CHTF8: variants seen among roughly 807,000 people sequenced by gnomAD.
CHTF8 encodes the protein chromosome transmission fidelity protein 8 homolog.
A neutral mutation model predicts 11.0 loss-of-function variants in CHTF8; 6 were observed. That is an observed-to-expected ratio of 0.55 (90% CI 0.30 to 1.08). The LOEUF is 1.08. CHTF8 is among the 50% of genes least tolerant of loss of function. The pLI is 0.07. For synonymous variants in CHTF8, 53 were observed against 60.5 expected (o/e 0.88, Z 0.57); for missense variants, 140 against 153.1 (o/e 0.91, Z 0.45).
chr16:69,123,267 T>C (rs1454396350), intron 1 of CHTF8, among the ~76,000 whole-genome samples: 2 of 152,182 alleles, frequency 1.3e-5, no homozygotes, highest in Non-Finnish European at 2.9e-5. Flanking sequence ...AAAAAGCCTA[T>C]GGAGTTTCTT....
chr16:69,122,230 A>C (rs374329386), intron 1 of CHTF8, among the ~76,000 whole-genome samples: 4 of 152,210 alleles, frequency 2.6e-5, no homozygotes, highest in Non-Finnish European at 5.9e-5. Flanking sequence ...GCTTAAAATC[A>C]CCAATGGTCA....
intron 2 of CHTF8, 67 bp from the exon 3 acceptor site, chr16:69,121,237 ACC>A: frequency 6.9e-7 from 1 of 1,451,862 alleles, no homozygotes; most frequent in Non-Finnish European, 9.5e-7. Context: ...TCCTCACACC[ACC>A]ATTTGAGGCC....
chr16:69,130,338 G>C (rs1290696302), intron 1 of CHTF8, among the ~76,000 whole-genome samples: 1 of 151,806 alleles, frequency 6.6e-6, no homozygotes, highest in African/African-American at 2.4e-5. Context: ...AGGAAACCAA[G>C]CCTTTAAATT....
intron 1 of CHTF8, among the ~76,000 whole-genome samples, chr16:69,125,540 G>C (rs1310671413): frequency 6.6e-6 from 1 of 152,172 alleles, no homozygotes; most frequent in East Asian, 1.9e-4. Context: ...CATCAGGCAG[G>C]CATGGAGTAT....
At chr16:69,121,549 C>G (rs1283492977) in intron 1 of CHTF8, 56 bp from the exon 2 acceptor site, 2 of 1,038,924 alleles carry the variant, frequency 1.9e-6, no homozygotes, top group African/African-American at 3.2e-5. Flanking sequence ...AATAATGACA[C>G]CTAATGCAAC....
At chr16:69,129,709 T>C (rs1173601281) in intron 1 of CHTF8, among the ~76,000 whole-genome samples, 5 of 152,156 alleles carry the variant, frequency 3.3e-5, no homozygotes, top group Admixed American at 3.3e-4. Flanking sequence ...CCTCTTGCAG[T>C]TCTCCTCACA....
rs575168207 is a variant in CHTF8, at chr16:69,118,298, T to C, written c.*2127A>G. 163 of 1,109,992 alleles carry C rather than the reference T, an allele frequency of 1.5e-4. 2 individuals are homozygous for C. In the South Asian group the frequency reaches 1.9e-3, roughly 13 times the overall value. 68.8% of individuals were successfully genotyped at this position (1,109,992 alleles called of 1,614,324 possible). On this transcript the variant is annotated 3_prime_UTR_variant, in exon 4 of 4. Transcript: ENST00000448552. ...CAGGCCCAGTCAGTCAAGCAGAAAC[T>C]GCATTCGGTGGGTCTTTCTTTGAAG...
chr16:69,121,511 G>C lies in CHTF8; in HGVS notation c.-35-18C>G. 6.8e-7 allele frequency: 1 copy of C among 1,473,506 alleles called. No individual in the cohort carries two copies. The highest frequency in any genetic ancestry group is 9.3e-7 in the Non-Finnish European group (1 of 1,072,696). The allele number at this position is 1,473,506 out of a possible 1,614,324, so 91.3% of individuals were successfully genotyped here. ...AAAACAAGCTGTAGAGAGAAAAAAAGAGATTTAGGGTAATAACAACAACAA... is the reference window on the plus strand; with the variant it reads ...AAAACAAGCTGTAGAGAGAAAAAAACAGATTTAGGGTAATAACAACAACAA... On this transcript the variant is annotated intron_variant, in intron 1 of 3. Coordinates refer to ENST00000448552, the MANE Select transcript of CHTF8 (RefSeq NM_001039690.5).
chr16:69,123,936 A>AC (rs1163620049), intron 1 of CHTF8, among the ~76,000 whole-genome samples: 69 of 138,968 alleles, frequency 5.0e-4, no homozygotes, highest in East Asian at 2.3e-3. Context: ...AAAAAAAAAA[A>AC]AAAAAAAAAA....
chr16:69,118,930 C>T lies in CHTF8; in HGVS notation c.*1495G>A. ...TCTGGGGAAAGCAGCTGGGTTTGTG[C>T]CAGGGAGGCTCCCCACTCTAGGAAA... is the stretch of plus-strand genomic sequence containing the variant. On this transcript the variant is annotated 3_prime_UTR_variant, in exon 4 of 4. Coordinates refer to ENST00000448552, the MANE Select transcript of CHTF8 (RefSeq NM_001039690.5). 1 of 703,034 alleles carries T rather than the reference C, an allele frequency of 1.4e-6. No individual in the cohort carries two copies. The highest frequency in any genetic ancestry group is 2.6e-6 in the Non-Finnish European group (1 of 385,012). The allele number at this position is 703,034 out of a possible 1,614,324, so 43.5% of individuals were successfully genotyped here. A position where few individuals can be genotyped will look rare whatever the true frequency, so the allele number is the denominator to read the frequency against.
intron 1 of CHTF8, among the ~76,000 whole-genome samples, chr16:69,123,501 A>G (rs770128618): frequency 1.3e-5 from 2 of 152,006 alleles, no homozygotes; most frequent in Non-Finnish European, 2.9e-5. Context: ...TACTAAAAAT[A>G]CAAAAATTAG....
intron 1 of CHTF8, among the ~76,000 whole-genome samples, chr16:69,127,872 A>ATTTG (rs1962191721): frequency 6.6e-6 from 1 of 151,610 alleles, no homozygotes; most frequent in Non-Finnish European, 1.5e-5. Context: ...GGCCTTCCAA[A>ATTTG]GTGTTGGGAT....
At chr16:69,123,240 A>G (rs550978515) in intron 1 of CHTF8, among the ~76,000 whole-genome samples, 1 of 151,422 alleles carries the variant, frequency 6.6e-6, no homozygotes, top group South Asian at 2.1e-4. Flanking sequence ...TCTATTTCCT[A>G]CTCTGCATGT....
intron 2 of CHTF8, 65 bp downstream of exon 2, chr16:69,121,371 A>G: frequency 2.1e-6 from 3 of 1,425,368 alleles, no homozygotes; most frequent in Non-Finnish European, 2.9e-6. Context: ...TCTTCCAGAC[A>G]CATGGCACAC....
intron 1 of CHTF8, among the ~76,000 whole-genome samples, chr16:69,122,341 T>A (rs1961733517): frequency 6.6e-6 from 1 of 152,026 alleles, no homozygotes; most frequent in South Asian, 2.1e-4. Context: ...CTCACTATGC[T>A]GATGTGCCTT....
At chr16:69,129,596 C>A (rs1962347827) in intron 1 of CHTF8, among the ~76,000 whole-genome samples, 1 of 152,158 alleles carries the variant, frequency 6.6e-6, no homozygotes, top group African/African-American at 2.4e-5. Flanking sequence ...ACTCCCATTT[C>A]ACAAATGAGG....
At chr16:69,132,019 A>C (rs1314428241) in intron 1 of CHTF8, 1 of 150,026 alleles carries the variant, frequency 6.7e-6, no homozygotes, top group African/African-American at 2.5e-5. Flanking sequence ...TTCCAGTTCT[A>C]CTCCGCTCCC....
chr16:69,130,031 C>G (rs1962380147), intron 1 of CHTF8, among the ~76,000 whole-genome samples: 1 of 152,198 alleles, frequency 6.6e-6, no homozygotes, highest in African/African-American at 2.4e-5. Flanking sequence ...CATTCTTTGT[C>G]AAGTATTCAT....
chr16:69,118,459 G>A lies in CHTF8; in HGVS notation c.*1966C>T, dbSNP rs772765577. On this transcript the variant is annotated 3_prime_UTR_variant, in exon 4 of 4. Coordinates refer to ENST00000448552, the MANE Select transcript of CHTF8 (RefSeq NM_001039690.5). The stretch of plus-strand genomic sequence containing the variant: ...ACCAACGCCACGTTTCTAGAGAGCA[G>A]TGAGCTGATTCTCCAATGGTGAGCA... The A allele has an allele frequency of 1.4e-5, 22 of 1,586,834 alleles. No homozygotes were observed. Among genetic ancestry groups the A allele is most frequent in the East Asian group, 2.2e-5 (1 of 44,772 alleles).
Sources: allele counts gnomAD v4.1 joint callset (sites outside exome capture counted in the v4.1 genomes callset), GRCh38; gene constraint gnomAD v4.1.1; transcripts MANE v1.5; gene names NCBI Gene and HGNC (gene_info 2026-07-23, HGNC 2026-07-21).